ZFAT: variants seen among roughly 807,000 people sequenced by gnomAD.
The protein encoded by ZFAT is zinc finger protein ZFAT.
In ZFAT, 64 loss-of-function variants were observed where a neutral mutation model predicts 117.7. The observed-to-expected ratio is 0.54, with a 90% confidence interval of 0.44 to 0.67. The LOEUF (loss-of-function observed/expected upper bound fraction) is 0.67, where lower values mean the gene tolerates loss of function less well. Among genes scored for constraint, ZFAT ranks in the 30% least tolerant of loss-of-function variants. The probability of loss-of-function intolerance (pLI) is 0.00; values close to 1 mark genes in which losing one functional copy is unlikely to be tolerated. For missense variants in ZFAT, 1,433 were observed against 1,584.5 expected, an observed-to-expected ratio of 0.90 and a Z score of 1.62; for synonymous variants, 679 against 615.0, an observed-to-expected ratio of 1.10 and a Z score of -1.54.
chr8:134,801,139 G>A, the ZFAT span, among the ~76,000 whole-genome samples: 1 of 152,004 alleles, frequency 6.6e-6, no homozygotes, highest in Admixed American at 6.6e-5. Context: ...GAAACACTGT[G>A]AGGAGCTTAG....
intron 15 of ZFAT, among the ~76,000 whole-genome samples, chr8:134,484,799 GA>G: frequency 6.6e-6 from 1 of 152,276 alleles, no homozygotes; most frequent in East Asian, 1.9e-4. Context: ...TAGTTGTAGT[GA>G]TTATTATTAT....
chr8:134,579,143 G>C (rs927196358), intron 10 of ZFAT, among the ~76,000 whole-genome samples: 2 of 152,170 alleles, frequency 1.3e-5, no homozygotes, highest in Non-Finnish European at 1.5e-5. Flanking sequence ...GCTAAGCTTG[G>C]GGGGCCAGGT....
At chr8:134,540,172 T>C (rs1822144884) in intron 11 of ZFAT, among the ~76,000 whole-genome samples, 1 of 151,960 alleles carries the variant, frequency 6.6e-6, no homozygotes, top group South Asian at 2.1e-4. Context: ...AGAAGCAGGA[T>C]TGGAACAGCA....
chr8:134,610,346 G>C, intron 4 of ZFAT, 124 bp downstream of exon 4: 3 of 1,051,798 alleles, frequency 2.9e-6, no homozygotes, highest in Non-Finnish European at 4.1e-6. Flanking sequence ...ATTAGTGGGT[G>C]ATTAAATGGA....
At chr8:134,807,314 C>T in the ZFAT span, among the ~76,000 whole-genome samples, 1 of 152,096 alleles carries the variant, frequency 6.6e-6, no homozygotes, top group African/African-American at 2.4e-5. Context: ...AGAACGAATA[C>T]AAGCCATTAT....
chr8:134,607,403 G>T (rs1290024290), intron 5 of ZFAT, among the ~76,000 whole-genome samples: 3 of 152,322 alleles, frequency 2.0e-5, no homozygotes, highest in African/African-American at 7.2e-5. Flanking sequence ...ACATGTGCCA[G>T]GCACTTTGCA....
the ZFAT span, among the ~76,000 whole-genome samples, chr8:134,724,839 A>G: frequency 1.3e-5 from 2 of 151,738 alleles, no homozygotes; most frequent in Middle Eastern, 3.2e-3. Flanking sequence ...GGGGGAATTC[A>G]CCCCACACTC....
At chr8:134,488,336 T>C (rs1483422966) in intron 15 of ZFAT, among the ~76,000 whole-genome samples, 2 of 152,106 alleles carry the variant, frequency 1.3e-5, no homozygotes, top group Admixed American at 1.3e-4. Flanking sequence ...GGGGAACAGG[T>C]GTGAAAGGCC....
the ZFAT span, among the ~76,000 whole-genome samples, chr8:134,807,178 T>C: frequency 1.3e-5 from 2 of 152,242 alleles, no homozygotes; most frequent in African/African-American, 2.4e-5. Context: ...AAGCAGTTTA[T>C]GAATATCCAT....
the ZFAT span, among the ~76,000 whole-genome samples, chr8:134,832,338 G>C: frequency 8.4e-3 from 1,272 of 151,632 alleles, 17 homozygotes; most frequent in African/African-American, 0.028. Flanking sequence ...ACATGTCTCT[G>C]TGTGTGTGTG....
intron 5 of ZFAT, 107 bp downstream of exon 5, chr8:134,608,622 T>C (rs1563670120): frequency 3.6e-6 from 5 of 1,396,214 alleles, no homozygotes; most frequent in African/African-American, 1.5e-5. Flanking sequence ...TATAAACAAG[T>C]TTATAAGCAG....
intron 10 of ZFAT, among the ~76,000 whole-genome samples, chr8:134,582,458 C>T (rs1396525874): frequency 6.6e-6 from 1 of 152,202 alleles, no homozygotes; most frequent in Non-Finnish European, 1.5e-5. Context: ...TAATTCTTGC[C>T]TAAACGTTCA....
chr8:134,718,016 A>C (rs1184226540), upstream of ZFAT, among the ~76,000 whole-genome samples: 1 of 152,158 alleles, frequency 6.6e-6, no homozygotes, highest in Non-Finnish European at 1.5e-5. Flanking sequence ...GTTTTTACAA[A>C]GTTAAGGTAT....
At chr8:134,603,974 A>G (rs1201499226) in intron 5 of ZFAT, among the ~76,000 whole-genome samples, 1 of 152,202 alleles carries the variant, frequency 6.6e-6, no homozygotes, top group East Asian at 1.9e-4. Flanking sequence ...TTAACTTTGT[A>G]TTCCATTTAT....
the ZFAT span, among the ~76,000 whole-genome samples, chr8:134,799,316 A>T: frequency 6.6e-6 from 1 of 152,180 alleles, no homozygotes; most frequent in Non-Finnish European, 1.5e-5. Flanking sequence ...CCAAGCTGCT[A>T]GGATGTGTGT....
At chr8:134,763,757 G>T in the ZFAT span, among the ~76,000 whole-genome samples, 2 of 152,120 alleles carry the variant, frequency 1.3e-5, no homozygotes, top group African/African-American at 4.8e-5. Context: ...GCAACTATCC[G>T]AGTCAGGTAT....
chr8:134,630,093 C>T (rs941585683), intron 3 of ZFAT, among the ~76,000 whole-genome samples: 2 of 152,166 alleles, frequency 1.3e-5, no homozygotes, highest in African/African-American at 4.8e-5. Flanking sequence ...CCAGGTCTCC[C>T]CTTAATCAGG....
intron 15 of ZFAT, among the ~76,000 whole-genome samples, chr8:134,493,709 G>A (rs1226893218): frequency 6.6e-6 from 1 of 152,194 alleles, no homozygotes; most frequent in Non-Finnish European, 1.5e-5. Context: ...TCTGGATGCC[G>A]GCCCTCCTTG....
At chr8:134,754,292 G>A in the ZFAT span, among the ~76,000 whole-genome samples, 1 of 152,282 alleles carries the variant, frequency 6.6e-6, no homozygotes, top group East Asian at 1.9e-4. Context: ...CAAATACTGA[G>A]GAGAAAGAGA....
Sources: allele counts gnomAD v4.1 joint callset (sites outside exome capture counted in the v4.1 genomes callset), GRCh38; gene constraint gnomAD v4.1.1; transcripts MANE v1.5; gene names NCBI Gene and HGNC (gene_info 2026-07-23, HGNC 2026-07-21).